Variants in CCNG2 observed in about 807,000 individuals in gnomAD.
The protein encoded by CCNG2 is cyclin-G2.
In CCNG2, 20 loss-of-function variants were observed where a neutral mutation model predicts 36.5. The observed-to-expected ratio is 0.55, with a 90% CI of 0.39 to 0.80. The LOEUF is 0.80. Ranked by LOEUF, CCNG2 falls within the 30% of genes least tolerant of loss-of-function variation. The pLI, the probability that CCNG2 is intolerant of heterozygous loss-of-function variation, is 0.00. For missense variants in CCNG2, 358 were observed against 390.8 expected (o/e 0.92, Z 0.71); for synonymous variants, 155 against 140.1 (o/e 1.11, Z -0.75).
rs529151434 is a variant in CCNG2, at chr4:77,160,534, G to C, written c.277-187G>C. Among the ~76,000 whole-genome samples the C allele has an allele frequency of 5.7e-3, 840 of 148,024 alleles. 16 individuals are homozygous for C. Among genetic ancestry groups the C allele is most frequent in the Non-Finnish European group, 8.9e-3 (597 of 67,002 alleles). On this transcript the variant is annotated intron_variant, in intron 3 of 7. Transcript: ENST00000316355. ...TGTTCCCTGCTGCCTTTTTTTTTGG[G>C]GGGGGGGGGAGGTCGAGAACGTCTA... is the stretch of plus-strand genomic sequence containing the variant.
chr4:77,162,623 T>G (rs1731513133), intron 6 of CCNG2, among the ~76,000 whole-genome samples: 1 of 151,980 alleles, frequency 6.6e-6, no homozygotes, highest in South Asian at 2.1e-4. Flanking sequence ...CTTCAAGTGA[T>G]CCCACCTGCC....
intron 6 of CCNG2, among the ~76,000 whole-genome samples, chr4:77,163,939 C>G (rs1175206804): frequency 1.3e-5 from 2 of 152,082 alleles, no homozygotes; most frequent in South Asian, 2.1e-4. Context: ...ATTAACAGAC[C>G]CAGAGTGTTT....
chr4:77,165,705 C>T, intron 7 of CCNG2, 96 bp from the exon 8 acceptor site: 1 of 1,031,854 alleles, frequency 9.7e-7, no homozygotes, highest in Non-Finnish European at 1.3e-6. Context: ...ATATAAAAAT[C>T]CTCACTAGAG....
chr4:77,159,583 C>T lies in CCNG2; in HGVS notation c.276+79C>T, dbSNP rs146452375. 1,254 of 1,387,736 alleles carry T rather than the reference C, an allele frequency of 9.0e-4. 7 individuals are homozygous for T. The African/African-American group carries it at 0.017, about 18-fold the overall frequency. 86.0% of individuals were successfully genotyped at this position (1,387,736 alleles called of 1,614,324 possible). On this transcript the variant is annotated intron_variant, in intron 3 of 7. Coordinates refer to ENST00000316355, the MANE Select transcript of CCNG2 (RefSeq NM_004354.3). The stretch of plus-strand genomic sequence containing the variant: ...CACACAGGGTTCAAGAAATATTTAT[C>T]GAATGGGTATAATAACGTCCACTGT...
At chr4:77,161,785 C>T (rs1731445432) in intron 6 of CCNG2, 38 bp downstream of exon 6, 1 of 1,314,760 alleles carries the variant, frequency 7.6e-7, no homozygotes, top group Non-Finnish European at 1.1e-6. Context: ...AAATTTTTTT[C>T]CTGATGTTTA....
chr4:77,157,843 A>C (rs1425287678), intron 1 of CCNG2, among the ~76,000 whole-genome samples: 2 of 151,876 alleles, frequency 1.3e-5, no homozygotes, highest in Non-Finnish European at 2.9e-5. Context: ...CCCCGGCATC[A>C]GTGGGTGGAC....
intron 3 of CCNG2, among the ~76,000 whole-genome samples, chr4:77,159,917 C>T (rs765624869): frequency 6.6e-6 from 1 of 152,160 alleles, no homozygotes; most frequent in Non-Finnish European, 1.5e-5. Flanking sequence ...GAAGTCTCTT[C>T]AAAGCAGGGA....
intron 2 of CCNG2, among the ~76,000 whole-genome samples, chr4:77,159,015 A>G (rs1731351261): frequency 6.6e-6 from 1 of 152,236 alleles, no homozygotes; most frequent in Non-Finnish European, 1.5e-5. Flanking sequence ...TTATAGTAGA[A>G]TCTTAAATGA....
In CCNG2 at chr4:77,167,912, A is replaced by G. The variant is rs1271750831; in HGVS notation, c.*1988A>G. 1 of 152,216 alleles carries G rather than the reference A, an allele frequency of 6.6e-6. No individual in the cohort carries two copies. Among genetic ancestry groups the G allele is most frequent in the Non-Finnish European group, 1.5e-5 (1 of 68,038 alleles). The allele number at this position is 152,216 out of a possible 1,614,324, so 9.4% of individuals were successfully genotyped here. ...TTCAGATTTTGATTTGTTGAGATGT[A>G]AAAGTTGTTTGGGGCTTACCAAATC... is the stretch of plus-strand genomic sequence containing the variant. On this transcript the variant is annotated 3_prime_UTR_variant, in exon 8 of 8. Transcript: ENST00000316355.
At chr4:77,162,155 A>G (rs1731455859) in intron 6 of CCNG2, among the ~76,000 whole-genome samples, 2 of 152,194 alleles carry the variant, frequency 1.3e-5, no homozygotes, top group South Asian at 2.1e-4. Flanking sequence ...AACACCAGCA[A>G]TGTTGATGTT....
chr4:77,165,698 TA>T, intron 7 of CCNG2, 102 bp from the exon 8 acceptor site: 1 of 979,976 alleles, frequency 1.0e-6, no homozygotes, highest in Non-Finnish European at 1.4e-6. Flanking sequence ...ATTTTGAATA[TA>T]AAAATCCTCA....
In CCNG2 at chr4:77,158,349, C is replaced by T. The variant is rs1168161042; in HGVS notation, c.1-184C>T. On this transcript the variant is annotated intron_variant, in intron 1 of 7. Coordinates refer to ENST00000316355, the MANE Select transcript of CCNG2 (RefSeq NM_004354.3). ...CTGACCACGGCTCCTCCCCCTGCCA[C>T]ACCTCCCTGGCCGTGGTGGGGATTG... 49 of 590,970 alleles carry T rather than the reference C, an allele frequency of 8.3e-5. No homozygotes were observed. The East Asian group carries it at 1.4e-3, about 17-fold the overall frequency. 36.6% of individuals were successfully genotyped at this position (590,970 alleles called of 1,614,324 possible). A position where few individuals can be genotyped will look rare whatever the true frequency, so the allele number is the denominator to read the frequency against.
Position 77,165,864 on chromosome 4 carries a change from T to A in CCNG2, c.975T>A (p.Asp325Glu), listed in dbSNP as rs374181852. Residue 325 changes from aspartate to glutamate, a missense_variant, in exon 8 of 8, where the codon GAT becomes GAA. Asp to Glu is a conservative substitution (Grantham distance 45). Transcript: ENST00000316355. ...EESLSSSPPS[D>E]QECTFFFNFK... is the part of the protein sequence containing the mutation. ...GTCTCAGCAGCTCTCCTCCCAGTGA[T>A]CAAGAGTGCACCTTCTTTTTCAACT... 5 of 1,611,940 alleles carry A rather than the reference T, an allele frequency of 3.1e-6. No individual in the cohort carries two copies. Among genetic ancestry groups the A allele is most frequent in the Non-Finnish European group, 4.2e-6 (5 of 1,179,208 alleles).
chr4:77,157,312 G>C lies in CCNG2; in HGVS notation c.-195G>C, dbSNP rs1167915264. On this transcript the variant is annotated 5_prime_UTR_variant, in exon 1 of 8. Transcript: ENST00000316355. ...GGCGTTGCGCCGCGGCGGAGGGTGG[G>C]CGCGCGGGGAGCGGGATGGAGCCGG... 2 of 152,540 alleles carry C rather than the reference G, an allele frequency of 1.3e-5. No individual in the cohort carries two copies. The highest frequency in any genetic ancestry group is 4.8e-5 in the African/African-American group (2 of 41,432). 9.4% of individuals were successfully genotyped at this position (152,540 alleles called of 1,614,324 possible). A position where few individuals can be genotyped will look rare whatever the true frequency, so the allele number is the denominator to read the frequency against.
intron 4 of CCNG2, 57 bp downstream of exon 4, chr4:77,161,028 A>G: frequency 1.6e-6 from 2 of 1,247,076 alleles, no homozygotes; most frequent in Non-Finnish European, 2.2e-6. Context: ...CTAACAGTAA[A>G]TAATTGGAAT....
rs1667546865 is a variant in CCNG2, at chr4:77,168,084, T to G, written c.*2160T>G. The G allele has an allele frequency of 6.6e-6, 1 of 152,202 alleles. No homozygotes were observed. Among genetic ancestry groups the G allele is most frequent in the South Asian group, 2.1e-4 (1 of 4,828 alleles). 9.4% of individuals were successfully genotyped at this position (152,202 alleles called of 1,614,324 possible). On this transcript the variant is annotated 3_prime_UTR_variant, in exon 8 of 8. Coordinates refer to ENST00000316355, the MANE Select transcript of CCNG2 (RefSeq NM_004354.3). Reference sequence around the variant, plus strand: ...CTCTCTGCTGAGCTTGCAACCTGTTTATTCACATGGCCTGCCATGCCACTT... The same window carrying G: ...CTCTCTGCTGAGCTTGCAACCTGTTGATTCACATGGCCTGCCATGCCACTT...
rs908929841 is a variant in CCNG2, at chr4:77,167,857, A to G, written c.*1933A>G. On this transcript the variant is annotated 3_prime_UTR_variant, in exon 8 of 8. Transcript: ENST00000316355. The stretch of plus-strand genomic sequence containing the variant: ...GACCTTTCCTCTCTTACTAAATAAT[A>G]TTAGTAAATAGTGGGCAATATATTC... The G allele has an allele frequency of 2.0e-5, 3 of 152,228 alleles. No homozygotes were observed. The highest frequency in any genetic ancestry group is 7.2e-5 in the African/African-American group (3 of 41,468). The allele number at this position is 152,228 out of a possible 1,614,324, so 9.4% of individuals were successfully genotyped here.
At chr4:77,157,998 C>T (rs1010879983) in intron 1 of CCNG2, among the ~76,000 whole-genome samples, 1 of 152,006 alleles carries the variant, frequency 6.6e-6, no homozygotes, top group Admixed American at 6.5e-5. Context: ...GCTGCAGCAG[C>T]GGACGGGAAA....
chr4:77,159,612 T>A, intron 3 of CCNG2, 108 bp downstream of exon 3: 1 of 968,438 alleles, frequency 1.0e-6, no homozygotes, highest in Non-Finnish European at 1.5e-6. Context: ...CCACTGTACA[T>A]AAAAATTTAT....
Sources: allele counts gnomAD v4.1 joint callset (sites outside exome capture counted in the v4.1 genomes callset), GRCh38; gene constraint gnomAD v4.1.1; transcripts MANE v1.5; gene names NCBI Gene and HGNC (gene_info 2026-07-23, HGNC 2026-07-21).